The following AK8 variants were observed in gnomAD, a reference collection of about 807,000 sequenced individuals.
The protein encoded by AK8 is ATP-AMP transphosphorylase 8.
In AK8, 44 loss-of-function variants were observed where a neutral mutation model predicts 54.6. The ratio of observed to expected loss-of-function variants is 0.81; its 90% CI spans 0.63 to 1.04. The LOEUF (loss-of-function observed/expected upper bound fraction) is 1.04, where lower values mean the gene tolerates loss of function less well. Among genes scored for constraint, AK8 ranks in the 50% least tolerant of loss-of-function variants. The pLI is 0.00. For synonymous variants in AK8, 239 were observed against 245.6 expected (o/e 0.97, Z 0.25); for missense variants, 555 against 613.6 (o/e 0.90, Z 1.01).
chr9:132,841,833 T>C (rs1026121078), intron 5 of AK8, among the ~76,000 whole-genome samples: 1 of 152,152 alleles, frequency 6.6e-6, no homozygotes, highest in East Asian at 1.9e-4. Context: ...CCCTGGCGCT[T>C]GATTCTTGTT....
At chr9:132,820,707 T>C (rs953650768) in intron 9 of AK8, among the ~76,000 whole-genome samples, 3 of 152,196 alleles carry the variant, frequency 2.0e-5, no homozygotes, top group African/African-American at 7.2e-5. Context: ...CTGATGAACT[T>C]TGTGGGAGTG....
chr9:132,790,741 A>G lies in AK8; in HGVS notation c.1121+1893T>C, dbSNP rs772934430. 3.6e-4 allele frequency among the ~76,000 whole-genome samples: 55 copies of G among 152,164 alleles called. 1 individual carries two copies. The highest frequency in any genetic ancestry group is 1.1e-3 in the Admixed American group (17 of 15,284). ...ATATTGAAAAGGAAGAGGCAAAAGG[A>G]TGAGTATTTGTAGATGACATGGTCA... On this transcript the variant is annotated intron_variant, in intron 11 of 12. Coordinates refer to ENST00000298545, the MANE Select transcript of AK8 (RefSeq NM_152572.3). The surrounding 1 kb of genome is among the most constrained non-coding windows in gnomAD (Gnocchi z 4.1).
In AK8 at chr9:132,799,810, T is replaced by C. The variant is rs1415841673; in HGVS notation, c.980-7035A>G. Among the ~76,000 whole-genome samples the C allele has an allele frequency of 6.6e-6, 1 of 152,138 alleles. No homozygotes were observed. The highest frequency in any genetic ancestry group is 1.5e-5 in the Non-Finnish European group (1 of 68,028). On this transcript the variant is annotated intron_variant, in intron 10 of 12. Transcript: ENST00000298545. This position sits in a 1 kb window ranked among gnomAD's most constrained non-coding sequence, Gnocchi z 5.0. The stretch of plus-strand genomic sequence containing the variant: ...TTCAAACTGCCCGGTGTAACTTCTT[T>C]CCTTCTTCAAGCCCTCCTTGAAATT...
chr9:132,738,752 CTTT>C (rs754082140), intron 11 of AK8, among the ~76,000 whole-genome samples: 4 of 120,798 alleles, frequency 3.3e-5, no homozygotes, highest in Non-Finnish European at 5.0e-5. Context: ...ATGTTCATGA[CTTT>C]TTTTTTTTTT....
chr9:132,859,834 G>A (rs1188103262), intron 4 of AK8, among the ~76,000 whole-genome samples: 1 of 152,160 alleles, frequency 6.6e-6, no homozygotes, highest in Non-Finnish European at 1.5e-5. Context: ...GGTGGCCTCG[G>A]GCTGGGGTTC....
At chr9:132,746,666 T>G (rs932333085) in intron 11 of AK8, among the ~76,000 whole-genome samples, 1 of 152,210 alleles carries the variant, frequency 6.6e-6, no homozygotes, top group East Asian at 1.9e-4. Context: ...CACCCCTTAA[T>G]TGCGCAGTGG....
intron 8 of AK8, among the ~76,000 whole-genome samples, chr9:132,825,902 A>G (rs1841848748): frequency 6.6e-6 from 1 of 152,244 alleles, no homozygotes; most frequent in Non-Finnish European, 1.5e-5. Flanking sequence ...ACTGTGTGGA[A>G]GGGTAATTTT....
chr9:132,752,624 C>T (rs2131021785), intron 11 of AK8, among the ~76,000 whole-genome samples: 1 of 151,890 alleles, frequency 6.6e-6, no homozygotes, highest in South Asian at 2.1e-4. Flanking sequence ...TTCGCCACAC[C>T]CTGCCCCCAC....
rs1445318048 is a variant in AK8, at chr9:132,781,167, C to G, written c.1121+11467G>C. 3.9e-5 allele frequency among the ~76,000 whole-genome samples: 6 copies of G among 152,200 alleles called. No individual in the cohort carries two copies. Among genetic ancestry groups the G allele is most frequent in the South Asian group, 2.1e-4 (1 of 4,824 alleles). On this transcript the variant is annotated intron_variant, in intron 11 of 12. Transcript: ENST00000298545. This position sits in a 1 kb window ranked among gnomAD's most constrained non-coding sequence, Gnocchi z 4.6. ...AACATAGTTCTTTCTTTGTTTCTTTCTTTCTTTCTTTTTTTTTACTATTAT... is the reference window on the plus strand; with the variant it reads ...AACATAGTTCTTTCTTTGTTTCTTTGTTTCTTTCTTTTTTTTTACTATTAT...
At chr9:132,806,927 C>T (rs1840751537) in intron 10 of AK8, among the ~76,000 whole-genome samples, 1 of 152,150 alleles carries the variant, frequency 6.6e-6, no homozygotes. Flanking sequence ...TTCTCGGGTT[C>T]TATTAGGCCA....
chr9:132,744,904 C>G (rs1335706600), intron 11 of AK8, among the ~76,000 whole-genome samples: 1 of 152,230 alleles, frequency 6.6e-6, no homozygotes, highest in Non-Finnish European at 1.5e-5. Flanking sequence ...GGTTTACCCG[C>G]TGGCTTGATG....
intron 11 of AK8, among the ~76,000 whole-genome samples, chr9:132,758,790 T>A (rs75068046): frequency 0.016 from 2,401 of 152,238 alleles, 66 homozygotes; most frequent in African/African-American, 0.055. Flanking sequence ...CTTTTTCTGT[T>A]TTTTGGCCCT....
upstream of AK8, chr9:132,878,381 G>A: frequency 8.0e-7 from 1 of 1,244,846 alleles, no homozygotes; most frequent in Non-Finnish European, 1.0e-6. This position sits in a 1 kb window ranked among gnomAD's most constrained non-coding sequence, Gnocchi z 4.7. Context: ...CCCGATCCTC[G>A]GTCGCGCGGG....
rs139498621 is a variant in AK8, at chr9:132,772,577, A to G, written c.1121+20057T>C. On this transcript the variant is annotated intron_variant, in intron 11 of 12. Coordinates refer to ENST00000298545, the MANE Select transcript of AK8 (RefSeq NM_152572.3). ...AGCCTCCAGGACTCTGAAGAAATAAACTTCTGTTAAGATACCTCATCTATG... is the reference window on the plus strand; with the variant it reads ...AGCCTCCAGGACTCTGAAGAAATAAGCTTCTGTTAAGATACCTCATCTATG... Among the ~76,000 whole-genome samples the G allele has an allele frequency of 4.7e-3, 714 of 152,300 alleles. 4 individuals carry two copies. Among genetic ancestry groups the G allele is most frequent in the African/African-American group, 0.016 (682 of 41,552 alleles).
intron 10 of AK8, among the ~76,000 whole-genome samples, chr9:132,810,274 A>G (rs961561461): frequency 1.3e-5 from 2 of 152,162 alleles, no homozygotes; most frequent in Non-Finnish European, 2.9e-5. Flanking sequence ...TGGAAGAAAA[A>G]ATTTAGCATG....
intron 11 of AK8, among the ~76,000 whole-genome samples, chr9:132,792,331 G>A (rs1287112893): frequency 6.6e-6 from 1 of 152,088 alleles, no homozygotes; most frequent in African/African-American, 2.4e-5. Context: ...AAATGAAACT[G>A]TAAAAATAGT....
intron 11 of AK8, among the ~76,000 whole-genome samples, chr9:132,785,452 A>G (rs576025833): frequency 6.6e-6 from 1 of 152,348 alleles, no homozygotes; most frequent in African/African-American, 2.4e-5. Flanking sequence ...TTCAAAATCA[A>G]CAAACTGAGA....
At chr9:132,730,776 A>G (rs1335549672) in intron 11 of AK8, among the ~76,000 whole-genome samples, 1 of 152,202 alleles carries the variant, frequency 6.6e-6, no homozygotes, top group Non-Finnish European at 1.5e-5. Context: ...TGTGTGCCCT[A>G]CTGGGTGTTG....
At chr9:132,864,141 C>T (rs1843498396) in intron 3 of AK8, among the ~76,000 whole-genome samples, 1 of 152,166 alleles carries the variant, frequency 6.6e-6, no homozygotes, top group South Asian at 2.1e-4. Context: ...GGATGGGTAA[C>T]AGCCCACACT....
Sources: allele counts gnomAD v4.1 joint callset (sites outside exome capture counted in the v4.1 genomes callset), GRCh38; gene constraint gnomAD v4.1.1; non-coding constraint Gnocchi (gnomAD v3.1); transcripts MANE v1.5; gene names NCBI Gene and HGNC (gene_info 2026-07-23, HGNC 2026-07-21).